SMIM29: variants seen among roughly 807,000 people sequenced by gnomAD.
The protein encoded by SMIM29 is uncharacterized protein C6orf1.
Under a neutral mutation model 12.9 loss-of-function variants are expected in SMIM29, and 4 were observed. The ratio of observed to expected loss-of-function variants is 0.31; its 90% CI spans 0.15 to 0.71. The LOEUF (loss-of-function observed/expected upper bound fraction) is 0.71, where lower values mean the gene tolerates loss of function less well. SMIM29 is among the 30% of genes least tolerant of loss of function. The pLI is 0.70. For missense variants in SMIM29, 122 were observed against 138.1 expected, an observed-to-expected ratio of 0.88 and a Z score of 0.58; for synonymous variants, 50 against 52.0, an observed-to-expected ratio of 0.96 and a Z score of 0.17.
intron 4 of SMIM29, 41 bp downstream of exon 4, chr6:34,247,003 C>T: frequency 6.2e-7 from 1 of 1,613,608 alleles, no homozygotes; most frequent in Non-Finnish European, 8.5e-7. Context: ...AGGGCTGACT[C>T]CCACCTTGCC....
intron 1 of SMIM29, 190 bp downstream of exon 1, chr6:34,248,789 G>T (rs370916132): frequency 2.0e-6 from 2 of 985,776 alleles, no homozygotes; most frequent in South Asian, 9.4e-5. Context: ...GCGTCAGGCC[G>T]CTGCTAGGAT....
rs780343378 is a variant in SMIM29, at chr6:34,247,049, G to A, written c.238C>T (p.Pro80Ser). Residue 80 changes from proline to serine, a missense_variant, in exon 4 of 5, where the codon CCC (proline) becomes TCC (serine). Transcript: ENST00000476320. ...EQELLSDMGD[P>S]KVVHGWQSGY... ...CCTGGCCCCCAAGTGCTCACCTTGG[G>A]GTCTCCCATGTCAGAGAGCAGCTCC... 9.3e-6 allele frequency: 15 copies of A among 1,613,948 alleles called. No homozygotes were observed. Among genetic ancestry groups the A allele is most frequent in the Non-Finnish European group, 1.3e-5 (15 of 1,180,032 alleles).
chr6:34,248,127 C>T (rs1762878727), intron 1 of SMIM29: 1 of 985,338 alleles, frequency 1.0e-6, no homozygotes, highest in Non-Finnish European at 1.2e-6. Flanking sequence ...AGCTCAGATG[C>T]TGGCCAAACA....
intron 1 of SMIM29, chr6:34,248,546 A>T: frequency 1.6e-5 from 16 of 985,454 alleles, no homozygotes; most frequent in Non-Finnish European, 1.9e-5. Flanking sequence ...GCCTGAGCTG[A>T]CAGGCAGAGG....
Position 34,246,653 on chromosome 6 carries a change from T to G in SMIM29, c.*150A>C. On this transcript the variant is annotated 3_prime_UTR_variant, in exon 5 of 5. Coordinates refer to ENST00000476320, the MANE Select transcript of SMIM29 (RefSeq NM_001008703.4). Reference sequence around the variant, plus strand: ...GGGCAGTGAGGTGATGGTGAGGGCATGGGAAGCAGATGCTGCTGAGGGTGG... The same window carrying G: ...GGGCAGTGAGGTGATGGTGAGGGCAGGGGAAGCAGATGCTGCTGAGGGTGG... 3.7e-6 allele frequency: 6 copies of G among 1,613,840 alleles called. No individual in the cohort carries two copies. Among genetic ancestry groups the G allele is most frequent in the Non-Finnish European group, 5.1e-6 (6 of 1,179,934 alleles).
intron 1 of SMIM29, chr6:34,248,517 C>T: frequency 1.0e-6 from 1 of 985,188 alleles, no homozygotes; most frequent in South Asian, 4.7e-5. Context: ...GGGGCTCCGC[C>T]CAGGTCCCTC....
In SMIM29 at chr6:34,246,621, G is replaced by C. The variant is rs1290553946; in HGVS notation, c.*182C>G. On this transcript the variant is annotated 3_prime_UTR_variant, in exon 5 of 5. Coordinates refer to ENST00000476320, the MANE Select transcript of SMIM29 (RefSeq NM_001008703.4). The stretch of plus-strand genomic sequence containing the variant: ...AGCTCAACACCCACAAAGGGCAGAA[G>C]GCCTGGGGGCAGTGAGGTGATGGTG... The C allele has an allele frequency of 6.2e-7, 1 of 1,613,898 alleles. No homozygotes were observed. The highest frequency in any genetic ancestry group is 1.7e-5 in the Admixed American group (1 of 60,024).
intron 2 of SMIM29, 57 bp from the exon 3 acceptor site, chr6:34,247,549 G>C (rs537731519): frequency 3.2e-6 from 5 of 1,547,024 alleles, no homozygotes; most frequent in Non-Finnish European, 4.4e-6. Flanking sequence ...CCCACAGGCA[G>C]AGAGAGGCCC....
chr6:34,248,089 C>T, intron 1 of SMIM29: 1 of 985,474 alleles, frequency 1.0e-6, no homozygotes, highest in South Asian at 4.7e-5. Flanking sequence ...TCTTGCCCAA[C>T]TCCTATCCCT....
Position 34,247,447 on chromosome 6 carries a change from TG to T in SMIM29, c.137+19del, listed in dbSNP as rs1762845615. The T allele has an allele frequency of 2.1e-6, 2 of 944,826 alleles. No homozygotes were observed. The highest frequency in any genetic ancestry group is 3.0e-6 in the Non-Finnish European group (2 of 656,514). 58.5% of individuals were successfully genotyped at this position (944,826 alleles called of 1,614,324 possible). ...AGAACGGGTGTGGGGTTAGGGCGGGTGGGGGACAGGGACACTCACCGCTTTT... is the reference window on the plus strand; with the variant it reads ...AGAACGGGTGTGGGGTTAGGGCGGGTGGGGACAGGGACACTCACCGCTTTT... On this transcript the variant is annotated intron_variant, in intron 3 of 4. Coordinates refer to ENST00000476320, the MANE Select transcript of SMIM29 (RefSeq NM_001008703.4).
chr6:34,246,927 C>T (rs1002157975), intron 4 of SMIM29, 59 bp from the exon 5 acceptor site: 13 of 1,598,740 alleles, frequency 8.1e-6, no homozygotes, highest in Non-Finnish European at 1.1e-5. Context: ...GTCTGCAGCA[C>T]CCAGTTACAG....
intron 1 of SMIM29, 113 bp downstream of exon 1, chr6:34,248,866 G>C: frequency 1.0e-6 from 1 of 985,676 alleles, no homozygotes; most frequent in Non-Finnish European, 1.2e-6. Flanking sequence ...GGAGGTGGGG[G>C]TGTTGGGGGA....
chr6:34,248,965 T>C lies in SMIM29; in HGVS notation c.-74+14A>G. ...CCGGCGCTCTGCAGCCCAGCCGGCC[T>C]GGCCATGCCTTACCTCCCGCCGCTG... On this transcript the variant is annotated intron_variant, in intron 1 of 4. Coordinates refer to ENST00000476320, the MANE Select transcript of SMIM29 (RefSeq NM_001008703.4). 2.0e-6 allele frequency: 2 copies of C among 985,496 alleles called. No individual in the cohort carries two copies. The highest frequency in any genetic ancestry group is 5.2e-4 in the Middle Eastern group (1 of 1,914). 61.0% of individuals were successfully genotyped at this position (985,496 alleles called of 1,614,324 possible).
chr6:34,247,006 A>G, intron 4 of SMIM29, 38 bp downstream of exon 4: 2 of 1,613,590 alleles, frequency 1.2e-6, no homozygotes, highest in Non-Finnish European at 1.7e-6. Flanking sequence ...GCTGACTCCC[A>G]CCTTGCCTCA....
intron 1 of SMIM29, 27 bp downstream of exon 1, chr6:34,248,952 A>C (rs1747880403): frequency 7.1e-6 from 7 of 985,422 alleles, no homozygotes; most frequent in Non-Finnish European, 8.4e-6. Flanking sequence ...GGCGCTCTGC[A>C]GCCCAGCCGG....
At position 34,247,881 on chromosome 6, in the gene SMIM29, G is replaced by A. The variant is rs1762867996; in HGVS notation, c.-73-17C>T. On this transcript the variant is annotated splice_polypyrimidine_tract_variant and intron_variant, in intron 1 of 4. Transcript: ENST00000476320. ...CTGGGCTCCCTGGGAAGGAGGAAGG[G>A]AGGTTATCAGTTGCACCCAGGTGAC... The A allele has an allele frequency of 7.9e-7, 1 of 1,257,874 alleles. No individual in the cohort carries two copies. The highest frequency in any genetic ancestry group is 1.0e-6 in the Non-Finnish European group (1 of 1,004,286). 77.9% of individuals were successfully genotyped at this position (1,257,874 alleles called of 1,614,324 possible). A position where few individuals can be genotyped will look rare whatever the true frequency, so the allele number is the denominator to read the frequency against.
chr6:34,248,577 C>T (rs894781390), intron 1 of SMIM29: 23 of 985,428 alleles, frequency 2.3e-5, no homozygotes, highest in African/African-American at 1.2e-4. Context: ...CAGTCCCCAT[C>T]GACAGAAGCA....
In SMIM29 at chr6:34,246,409, T is replaced by G. The variant is rs1762753314; in HGVS notation, c.*394A>C. On this transcript the variant is annotated 3_prime_UTR_variant, in exon 5 of 5. Transcript: ENST00000476320. ...ATCAAAACCCCTAGCCACAAAACATTTTATTTACAAAATATATACTGAATA... is the reference window on the plus strand; with the variant it reads ...ATCAAAACCCCTAGCCACAAAACATGTTATTTACAAAATATATACTGAATA... 1.6e-6 allele frequency: 2 copies of G among 1,285,684 alleles called. No homozygotes were observed. The allele number at this position is 1,285,684 out of a possible 1,614,324, so 79.6% of individuals were successfully genotyped here.
intron 1 of SMIM29, 107 bp downstream of exon 1, chr6:34,248,872 G>A: frequency 1.0e-6 from 1 of 985,664 alleles, no homozygotes; most frequent in East Asian, 1.1e-4. Context: ...GGGGGTGTTG[G>A]GGGATGCGGA....
Sources: gnomAD v4.1 joint callset for allele counts on GRCh38, gnomAD v4.1.1 for gene constraint, MANE v1.5 for transcripts, NCBI Gene and HGNC (gene_info 2026-07-23, HGNC 2026-07-21) for gene names.